The following TJP2 variants were observed in gnomAD, a reference collection of about 807,000 sequenced individuals.
The protein encoded by TJP2 is Friedreich ataxia region gene X104 (tight junction protein ZO-2).
TJP2 carries 91 observed loss-of-function variants against 133.1 expected under a neutral mutation model. The ratio of observed to expected loss-of-function variants is 0.68; its 90% CI spans 0.58 to 0.81. TJP2 has a LOEUF of 0.81. TJP2 is among the 40% of genes least tolerant of loss of function. TJP2 has a pLI of 0.00. For synonymous variants in TJP2, 592 were observed against 583.4 expected, an observed-to-expected ratio of 1.01 and a Z score of -0.21; for missense variants, 1,541 against 1,565.6, an observed-to-expected ratio of 0.98 and a Z score of 0.26.
At chr9:69,211,198 G>T (rs942668066) in intron 1 of TJP2, among the ~76,000 whole-genome samples, 1 of 152,148 alleles carries the variant, frequency 6.6e-6, no homozygotes, top group Non-Finnish European at 1.5e-5. Flanking sequence ...TTAGCCGGGC[G>T]TGGTAGTGCG....
intron 17 of TJP2, among the ~76,000 whole-genome samples, chr9:69,243,514 A>T (rs1276927067): frequency 6.6e-6 from 1 of 152,214 alleles, no homozygotes; most frequent in Non-Finnish European, 1.5e-5. Context: ...ATTTTTAAAA[A>T]TTTTCTATAA....
At position 69,233,289 on chromosome 9, in the gene TJP2, A is replaced by C. The variant is rs141216781; in HGVS notation, c.1672-1150A>C. On this transcript the variant is annotated intron_variant, in intron 11 of 22. Transcript: ENST00000377245. ...TTAATTAAGGCCCACCCAACTAAGG[A>C]TAAGTTTCTTCTTTAATAAAGCATT... 1.6e-3 allele frequency among the ~76,000 whole-genome samples: 245 copies of C among 152,376 alleles called. 1 individual carries two copies. The highest frequency in any genetic ancestry group is 5.7e-3 in the African/African-American group (235 of 41,590).
rs1350086122 is a variant in TJP2 at position 69,126,148 on chromosome 9, T to C, written c.-131+4423T>C. Among the ~76,000 whole-genome samples the C allele has an allele frequency of 2.6e-5, 2 of 77,036 alleles. 1 individual carries two copies. Among genetic ancestry groups the C allele is most frequent in the Non-Finnish European group, 6.0e-5 (2 of 33,418 alleles). 50.5% of individuals were successfully genotyped at this position (77,036 alleles called of 152,430 possible). A position where few individuals can be genotyped will look rare whatever the true frequency, so the allele number is the denominator to read the frequency against. ...TCCCCTTCACCTCCAGCAGTTATAT[T>C]GAGATGTAATTCATGACAAGCTATG... On this transcript the variant is annotated intron_variant, in intron 1 of 5. Coordinates refer to the TJP2 transcript ENST00000423935.
At chr9:69,143,506 C>T (rs557190912) in intron 1 of TJP2, among the ~76,000 whole-genome samples, 1 of 152,172 alleles carries the variant, frequency 6.6e-6, no homozygotes, top group African/African-American at 2.4e-5. Flanking sequence ...TCAGAGGTGG[C>T]AGCTGTAGCC....
intron 1 of TJP2, among the ~76,000 whole-genome samples, chr9:69,132,872 C>G (rs1393559422): frequency 6.6e-6 from 1 of 152,168 alleles, no homozygotes; most frequent in African/African-American, 2.4e-5. Flanking sequence ...GGAATCACAC[C>G]TCTACTACTT....
intron 5 of TJP2, among the ~76,000 whole-genome samples, chr9:69,223,190 C>A: frequency 6.6e-6 from 1 of 152,140 alleles, no homozygotes; most frequent in Non-Finnish European, 1.5e-5. Context: ...GACAGTACTC[C>A]GCCTAATCAT....
rs59568063 is a variant in TJP2, at chr9:69,174,470, T to TCGTGAGCGTGAG, written c.60+43_60+54dup. ...TTGTGCCGCGCGGTTGGGAGGAGGG[T>TCGTGAGCGTGAG]CGTGAGCGTGAGCGTGGGAGCGCTG... On this transcript the variant is annotated intron_variant, in intron 1 of 22. Coordinates refer to ENST00000377245, the MANE Select transcript of TJP2 (RefSeq NM_004817.4). The TCGTGAGCGTGAG allele has an allele frequency of 5.9e-5, 90 of 1,515,644 alleles. No homozygotes were observed. The Admixed American group carries it at 9.9e-4, about 17-fold the overall frequency. 93.9% of individuals were successfully genotyped at this position (1,515,644 alleles called of 1,614,324 possible).
intron 3 of TJP2, 135 bp from the exon 4 acceptor site, chr9:69,218,122 C>T (rs922719277): frequency 4.2e-6 from 3 of 719,954 alleles, no homozygotes; most frequent in East Asian, 5.5e-5. Context: ...TTGACTGGGC[C>T]TTGGGCGCCA....
rs143529008 is a variant in TJP2, at chr9:69,217,213, A to T, written c.239+750A>T. On this transcript the variant is annotated intron_variant, in intron 3 of 22. Coordinates refer to ENST00000377245, the MANE Select transcript of TJP2 (RefSeq NM_004817.4). ...GCCATGTTGGCTAGGCTGGTGTCAA[A>T]CTCCTGACCTGAAGTGATCTGCCCA... 9.7e-3 allele frequency among the ~76,000 whole-genome samples: 1,479 copies of T among 151,886 alleles called. 12 individuals are homozygous for T. Among genetic ancestry groups the T allele is most frequent in the Middle Eastern group, 0.021 (6 of 292 alleles).
chr9:69,194,106 A>G (rs1826387761), intron 1 of TJP2, among the ~76,000 whole-genome samples: 1 of 152,210 alleles, frequency 6.6e-6, no homozygotes, highest in African/African-American at 2.4e-5. Flanking sequence ...TTTTCAAAGT[A>G]TCAATTTACT....
At chr9:69,184,781 T>A (rs10114369) in intron 1 of TJP2, among the ~76,000 whole-genome samples, 59,143 of 143,706 alleles carry the variant, frequency 0.41, 12,602 homozygotes, top group East Asian at 0.62. Flanking sequence ...GAGACGGGCT[T>A]GCTCTGTCAC....
chr9:69,226,005 A>G lies in TJP2; in HGVS notation c.1057-17A>G, dbSNP rs41277895. On this transcript the variant is annotated splice_polypyrimidine_tract_variant and intron_variant, in intron 6 of 22. Coordinates refer to ENST00000377245, the MANE Select transcript of TJP2 (RefSeq NM_004817.4). ...TAATTTTATTGCATTTAACATTACC[A>G]TTTTTTATAAACACAGATCAATGGG... The G allele has an allele frequency of 1.5e-3, 2,394 of 1,613,772 alleles. 2 individuals carry two copies. Among genetic ancestry groups the G allele is most frequent in the Non-Finnish European group, 1.9e-3 (2,258 of 1,179,758 alleles).
intron 2 of TJP2, among the ~76,000 whole-genome samples, chr9:69,161,961 T>G (rs963749504): frequency 6.7e-6 from 1 of 150,172 alleles, no homozygotes; most frequent in Non-Finnish European, 1.5e-5. Flanking sequence ...GCAGAATTGC[T>G]TGAACTCAGG....
intron 3 of TJP2, among the ~76,000 whole-genome samples, chr9:69,217,550 G>T (rs769927005): frequency 2.0e-5 from 3 of 152,142 alleles, no homozygotes; most frequent in Non-Finnish European, 4.4e-5. Flanking sequence ...GGGATGGCAT[G>T]TACCTACTCG....
intron 2 of TJP2, 137 bp from the exon 3 acceptor site, chr9:69,216,202 C>G: frequency 9.5e-7 from 1 of 1,049,028 alleles, no homozygotes; most frequent in East Asian, 2.6e-5. Flanking sequence ...TTTTGTTTCT[C>G]ATTTGTTTCT....
intron 1 of TJP2, among the ~76,000 whole-genome samples, chr9:69,143,870 CCT>C (rs1481054878): frequency 6.6e-6 from 1 of 151,982 alleles, no homozygotes; most frequent in African/African-American, 2.4e-5. Context: ...CTCATATACC[CCT>C]GTCAGATTTT....
At chr9:69,186,779 G>T (rs1044406592) in intron 1 of TJP2, among the ~76,000 whole-genome samples, 1 of 152,142 alleles carries the variant, frequency 6.6e-6, no homozygotes, top group African/African-American at 2.4e-5. Flanking sequence ...GTGTTGCTTC[G>T]TGTATTTTGA....
intron 1 of TJP2, among the ~76,000 whole-genome samples, chr9:69,131,435 A>G (rs1378500510): frequency 6.6e-6 from 1 of 152,008 alleles, no homozygotes; most frequent in African/African-American, 2.4e-5. Flanking sequence ...GCTGTGTTCT[A>G]CTCTTCCCAC....
At position 69,186,863 on chromosome 9, in the gene TJP2, G is replaced by A. The variant is rs12350450; in HGVS notation, c.60+12431G>A. ...CAAAAGTTAGGGAAAGTTAAGAGAG[G>A]CAGCTGAAATTCCATCAGTTTCCTC... On this transcript the variant is annotated intron_variant, in intron 1 of 22. Transcript: ENST00000377245. Among the ~76,000 whole-genome samples, 588 of 152,242 alleles carry A rather than the reference G, an allele frequency of 3.9e-3. 3 individuals carry two copies. The highest frequency in any genetic ancestry group is 0.014 in the African/African-American group (567 of 41,530).
Sources: gnomAD v4.1 joint callset for allele counts (sites outside exome capture counted in the v4.1 genomes callset) on GRCh38, gnomAD v4.1.1 for gene constraint, MANE v1.5 for transcripts, NCBI Gene and HGNC (gene_info 2026-07-23, HGNC 2026-07-21) for gene names.